The following NEK1 variants were observed in gnomAD, a reference collection of about 807,000 sequenced individuals.
NEK1 encodes the protein NIMA related kinase 1, also known as serine/threonine-protein kinase Nek1.
NEK1 carries 137 observed loss-of-function variants against 182.1 expected under a neutral mutation model. The observed-to-expected ratio is 0.75, with a 90% CI of 0.65 to 0.87. NEK1 has a LOEUF of 0.87. Ranked by LOEUF, NEK1 falls within the 40% of genes least tolerant of loss-of-function variation. NEK1 has a pLI of 0.00. For missense variants in NEK1, 1,391 were observed against 1,494.4 expected (o/e 0.93, Z 1.14); for synonymous variants, 513 against 492.2 (o/e 1.04, Z -0.56).
intron 27 of NEK1, among the ~76,000 whole-genome samples, chr4:169,453,410 C>A (rs1742219441): frequency 6.6e-6 from 1 of 152,254 alleles, no homozygotes; most frequent in African/African-American, 2.4e-5. Context: ...TGACTTCAAA[C>A]TATACTACAA....
intron 18 of NEK1, among the ~76,000 whole-genome samples, chr4:169,544,153 T>C (rs1287486464): frequency 2.0e-5 from 3 of 152,098 alleles, no homozygotes; most frequent in Non-Finnish European, 4.4e-5. Context: ...GTTCCATCAA[T>C]GCCTAGTTAT....
Position 169,502,367 on chromosome 4 carries a change from T to A in NEK1, c.2007+4670A>T, listed in dbSNP as rs538043188. On this transcript the variant is annotated intron_variant, in intron 23 of 35. Transcript: ENST00000507142. The stretch of plus-strand genomic sequence containing the variant: ...AAATAAATTAAGATGGAGAGATTCC[T>A]CCCTAACTCATTCTACAAGACCAGT... 2.0e-5 allele frequency among the ~76,000 whole-genome samples: 3 copies of A among 152,084 alleles called. No individual in the cohort carries two copies. The South Asian group carries it at 6.2e-4, about 32-fold the overall frequency.
At chr4:169,427,055 G>T (rs1040621467) in intron 29 of NEK1, among the ~76,000 whole-genome samples, 1 of 152,028 alleles carries the variant, frequency 6.6e-6, no homozygotes, top group African/African-American at 2.4e-5. Flanking sequence ...TTATCTCTGG[G>T]AGTTAGCTTA....
intron 11 of NEK1, among the ~76,000 whole-genome samples, chr4:169,579,137 A>G (rs1766187797): frequency 6.6e-6 from 1 of 152,228 alleles, no homozygotes; most frequent in Non-Finnish European, 1.5e-5. Context: ...CTGATTTTAG[A>G]GTATTTTTCA....
At chr4:169,403,938 T>C (rs963072693) in intron 32 of NEK1, among the ~76,000 whole-genome samples, 3 of 152,042 alleles carry the variant, frequency 2.0e-5, no homozygotes, top group Non-Finnish European at 4.4e-5. Context: ...CAATATGAAA[T>C]AACGTACTTT....
At chr4:169,397,862 C>A (rs1033894446) in intron 35 of NEK1, among the ~76,000 whole-genome samples, 1 of 152,190 alleles carries the variant, frequency 6.6e-6, no homozygotes, top group Admixed American at 6.5e-5. Context: ...TCTCCAGATA[C>A]TTGTTGAGCA....
chr4:169,553,681 A>G (rs564362741), intron 18 of NEK1, among the ~76,000 whole-genome samples: 45 of 152,376 alleles, frequency 3.0e-4, no homozygotes, highest in African/African-American at 1.0e-3. Flanking sequence ...TGAATTTTAA[A>G]ATGGGCAAAA....
At chr4:169,467,365 A>G (rs1745122863) in intron 26 of NEK1, among the ~76,000 whole-genome samples, 1 of 152,120 alleles carries the variant, frequency 6.6e-6, no homozygotes, top group Non-Finnish European at 1.5e-5. Flanking sequence ...CTTATACCAT[A>G]TATGAAGTAT....
chr4:169,414,197 T>A (rs180730304), intron 31 of NEK1, among the ~76,000 whole-genome samples: 1 of 152,200 alleles, frequency 6.6e-6, no homozygotes, highest in Non-Finnish European at 1.5e-5. Flanking sequence ...TTAATAATTG[T>A]GAACAATGCA....
At chr4:169,516,329 T>A (rs1317011303) in intron 19 of NEK1, among the ~76,000 whole-genome samples, 1 of 130,136 alleles carries the variant, frequency 7.7e-6, no homozygotes, top group East Asian at 2.3e-4. Context: ...TCATGTCCTT[T>A]GCCCAGTTTT....
rs1744720489 is a variant in NEK1 at position 169,465,322 on chromosome 4, C to T, written c.2435-1927G>A. ...TTCATAAGAGAAACCCTCCTGTCCC[C>T]CCCACCACTGGAATTTAACCCCTTC... On this transcript the variant is annotated intron_variant, in intron 26 of 35. Transcript: ENST00000507142. Among the ~76,000 whole-genome samples the T allele has an allele frequency of 2.0e-5, 3 of 152,140 alleles. No individual in the cohort carries two copies. In the South Asian group the frequency reaches 6.2e-4, roughly 32 times the overall value.
intron 18 of NEK1, among the ~76,000 whole-genome samples, chr4:169,546,075 T>C (rs1043627577): frequency 6.6e-6 from 1 of 152,222 alleles, no homozygotes; most frequent in African/African-American, 2.4e-5. Flanking sequence ...ATTGTGATGT[T>C]AGGGTGTCAA....
chr4:169,458,165 T>C (rs1287189318), intron 27 of NEK1, among the ~76,000 whole-genome samples: 1 of 151,970 alleles, frequency 6.6e-6, no homozygotes. Flanking sequence ...ACTATAAAGC[T>C]ACAGTAATCA....
rs370576859 is a variant in NEK1, at chr4:169,587,558, C to G, written c.606+1G>C. Reference sequence around the variant, plus strand: ...AAAGTATTTCAGAAACTTCTACTTACAGCATGTTTAAGTGTACACAGCTCA... The same window carrying G: ...AAAGTATTTCAGAAACTTCTACTTAGAGCATGTTTAAGTGTACACAGCTCA... On this transcript the variant is annotated splice_donor_variant, in intron 9 of 35. Transcript: ENST00000507142. LOFTEE classifies it high-confidence loss of function. 1 of 1,476,710 alleles carries G rather than the reference C, an allele frequency of 6.8e-7. No individual in the cohort carries two copies. The highest frequency in any genetic ancestry group is 2.2e-5 in the Admixed American group (1 of 45,542). 91.5% of individuals were successfully genotyped at this position (1,476,710 alleles called of 1,614,324 possible). A position where few individuals can be genotyped will look rare whatever the true frequency, so the allele number is the denominator to read the frequency against.
At chr4:169,471,149 A>G (rs769198344) in intron 26 of NEK1, among the ~76,000 whole-genome samples, 2 of 152,136 alleles carry the variant, frequency 1.3e-5, no homozygotes, top group African/African-American at 2.4e-5. Flanking sequence ...TTCTCCGTCC[A>G]GTTTTGTTCC....
intron 31 of NEK1, among the ~76,000 whole-genome samples, chr4:169,409,405 A>G (rs1733249893): frequency 1.3e-5 from 2 of 151,790 alleles, no homozygotes; most frequent in African/African-American, 4.8e-5. Context: ...TGGCCTCCCA[A>G]AGTGCTGGGA....
chr4:169,548,490 ACT>A (rs1007074765), intron 18 of NEK1, among the ~76,000 whole-genome samples: 2 of 152,034 alleles, frequency 1.3e-5, no homozygotes, highest in Non-Finnish European at 2.9e-5. Flanking sequence ...CAGAGCTCAA[ACT>A]CTGTGCTGGG....
intron 31 of NEK1, among the ~76,000 whole-genome samples, chr4:169,411,068 T>C (rs927665602): frequency 2.6e-5 from 4 of 152,356 alleles, no homozygotes; most frequent in Middle Eastern, 3.4e-3. Flanking sequence ...GCCTGCTTTC[T>C]AGGGACAAGA....
intron 29 of NEK1, among the ~76,000 whole-genome samples, chr4:169,431,749 T>C (rs1163832651): frequency 2.0e-5 from 3 of 150,560 alleles, no homozygotes; most frequent in Non-Finnish European, 3.0e-5. Context: ...GGCACCAAAA[T>C]TAGACTCCGT....
Sources: allele counts gnomAD v4.1 joint callset (sites outside exome capture counted in the v4.1 genomes callset), GRCh38; gene constraint gnomAD v4.1.1; transcripts MANE v1.5; gene names NCBI Gene and HGNC (gene_info 2026-07-23, HGNC 2026-07-21).